Variants in PCLO observed in about 807,000 individuals in gnomAD.
The protein encoded by PCLO is protein piccolo.
Under a neutral mutation model 427.5 loss-of-function variants are expected in PCLO, and 82 were observed. The ratio of observed to expected loss-of-function variants is 0.19; its 90% CI spans 0.16 to 0.23. The LOEUF (loss-of-function observed/expected upper bound fraction) is 0.23. PCLO is among the 10% of genes least tolerant of loss of function. PCLO has a pLI of 1.00. For synonymous variants in PCLO, 2,357 were observed against 2,155.4 expected (o/e 1.09, Z -2.59); for missense variants, 6,239 against 6,115.9 (o/e 1.02, Z -0.67).
intron 3 of PCLO, among the ~76,000 whole-genome samples, chr7:83,046,314 T>C (rs1219959047): frequency 6.6e-6 from 1 of 152,098 alleles, no homozygotes. Flanking sequence ...TTTTCCTTAA[T>C]ATTTCACCAT....
chr7:83,120,050 G>A (rs944608944), intron 3 of PCLO, among the ~76,000 whole-genome samples: 28 of 151,860 alleles, frequency 1.8e-4, no homozygotes, highest in African/African-American at 6.8e-4. Flanking sequence ...AGTCTCAACA[G>A]GGAAAATCTA....
At chr7:82,989,379 A>T (rs2115829941) in intron 3 of PCLO, among the ~76,000 whole-genome samples, 1 of 152,238 alleles carries the variant, frequency 6.6e-6, no homozygotes, top group South Asian at 2.1e-4. Flanking sequence ...GCAGAAAAGA[A>T]AATGTTATAA....
rs761572001 is a variant in PCLO, at chr7:83,156,252, G to A, written c.389C>T (p.Pro130Leu). The change falls in exon 2 of 25, where the codon CCT becomes CTT. Residue 130 changes from proline to leucine, a missense_variant. Physicochemically the swap from Pro to Leu is moderately conservative, Grantham distance 98 (BLOSUM62 -3). Transcript: ENST00000333891. Reference protein sequence around the residue: ...RSEQKLPGRSPSTISLKESKS... With the variant: ...RSEQKLPGRSLSTISLKESKS... ...TGATTCTTTCAAGCTAATAGTGGAAGGACTCCTCCCAGGCAATTTCTGCTC... is the reference window on the plus strand; with the variant it reads ...TGATTCTTTCAAGCTAATAGTGGAAAGACTCCTCCCAGGCAATTTCTGCTC... The A allele has an allele frequency of 5.6e-6, 9 of 1,613,696 alleles. No homozygotes were observed. Among genetic ancestry groups the A allele is most frequent in the Non-Finnish European group, 7.6e-6 (9 of 1,179,764 alleles).
chr7:83,038,005 A>ATATATATATATATTTATATATT (rs1788843031), intron 3 of PCLO, among the ~76,000 whole-genome samples: 1 of 39,806 alleles, frequency 2.5e-5, no homozygotes, highest in Non-Finnish European at 3.9e-5. Context: ...ATATATATAT[A>ATATATATATATATTTATATATT]TATATATATA....
At chr7:83,107,791 C>T (rs1214724829) in intron 3 of PCLO, among the ~76,000 whole-genome samples, 2 of 151,058 alleles carry the variant, frequency 1.3e-5, no homozygotes, top group Admixed American at 6.6e-5. Context: ...GAGATCAAGA[C>T]CATCCTGGCC....
rs185938893 is a variant in PCLO at position 82,859,143 on chromosome 7, T to G, written c.13655-11896A>C. On this transcript the variant is annotated intron_variant, in intron 10 of 24. Transcript: ENST00000333891. ...TTGACTCTGGTTCCTGACTCCTGGA[T>G]GGCACTTCTGGACCCACCTGGGGCC... Among the ~76,000 whole-genome samples, 99 of 152,108 alleles carry G rather than the reference T, an allele frequency of 6.5e-4. 1 individual carries two copies. The East Asian group carries it at 0.018, about 27-fold the overall frequency.
chr7:82,903,633 T>G (rs556637894), intron 8 of PCLO, among the ~76,000 whole-genome samples: 1 of 152,096 alleles, frequency 6.6e-6, no homozygotes, highest in Admixed American at 6.6e-5. Flanking sequence ...ACAGAAATAG[T>G]AAGATATTTA....
At chr7:83,116,471 A>C (rs913914634) in intron 3 of PCLO, among the ~76,000 whole-genome samples, 2 of 152,162 alleles carry the variant, frequency 1.3e-5, no homozygotes, top group African/African-American at 2.4e-5. Flanking sequence ...TCAGTAAAGG[A>C]AACAACTTTT....
chr7:82,887,928 G>C (rs1336277092), intron 9 of PCLO, among the ~76,000 whole-genome samples: 1 of 152,112 alleles, frequency 6.6e-6, no homozygotes, highest in African/African-American at 2.4e-5. Context: ...AAATTAGCCA[G>C]TCGTGGTGGC....
chr7:83,058,425 A>G (rs1012424665), intron 3 of PCLO, among the ~76,000 whole-genome samples: 1 of 152,164 alleles, frequency 6.6e-6, no homozygotes, highest in Non-Finnish European at 1.5e-5. Context: ...AAAAACCATA[A>G]AAGAATCTGA....
chr7:82,868,925 A>T (rs1793162632), intron 10 of PCLO, among the ~76,000 whole-genome samples: 1 of 152,150 alleles, frequency 6.6e-6, no homozygotes, highest in Admixed American at 6.6e-5. Flanking sequence ...CAATATAAAC[A>T]ATTGTTTTAG....
chr7:83,039,972 T>C (rs1405586696), intron 3 of PCLO, among the ~76,000 whole-genome samples: 1 of 152,148 alleles, frequency 6.6e-6, no homozygotes, highest in Non-Finnish European at 1.5e-5. Flanking sequence ...GCATTGTTCA[T>C]TGCAAATACA....
chr7:83,124,664 A>G (rs530963268), intron 3 of PCLO, among the ~76,000 whole-genome samples: 1 of 152,308 alleles, frequency 6.6e-6, no homozygotes, highest in South Asian at 2.1e-4. Context: ...ACTGCTACGT[A>G]TACATCCAAA....
At chr7:82,785,137 A>C (rs1360028893) in intron 22 of PCLO, among the ~76,000 whole-genome samples, 1 of 152,156 alleles carries the variant, frequency 6.6e-6, no homozygotes, top group Non-Finnish European at 1.5e-5. Context: ...CCTTTTTGGC[A>C]GTAGAGACTG....
At chr7:82,838,784 C>T (rs1211238541) in intron 14 of PCLO, among the ~76,000 whole-genome samples, 1 of 151,828 alleles carries the variant, frequency 6.6e-6, no homozygotes, top group Admixed American at 6.6e-5. Context: ...GTGGAACTGT[C>T]ATTTAAAGAT....
intron 9 of PCLO, among the ~76,000 whole-genome samples, chr7:82,892,241 G>C (rs1793786049): frequency 1.3e-5 from 2 of 152,070 alleles, no homozygotes; most frequent in Admixed American, 1.3e-4. Context: ...ATAGATCAAT[G>C]TAACAGGACA....
chr7:82,912,216 G>T (rs1479864112), intron 7 of PCLO, among the ~76,000 whole-genome samples: 3 of 151,742 alleles, frequency 2.0e-5, no homozygotes, highest in African/African-American at 7.3e-5. Flanking sequence ...GCATATATTT[G>T]CTAAAAATCT....
chr7:83,093,340 A>G (rs1790429258), intron 3 of PCLO, among the ~76,000 whole-genome samples: 1 of 146,798 alleles, frequency 6.8e-6, no homozygotes, highest in Non-Finnish European at 1.5e-5. Context: ...AAAATTATAT[A>G]AAGTATTCTA....
At chr7:82,897,774 T>A (rs956591017) in intron 9 of PCLO, among the ~76,000 whole-genome samples, 1 of 151,322 alleles carries the variant, frequency 6.6e-6, no homozygotes, top group Non-Finnish European at 1.5e-5. Flanking sequence ...GCTGTACACA[T>A]TTTTTTAATA....
Sources: gnomAD v4.1 joint callset for allele counts (sites outside exome capture counted in the v4.1 genomes callset) on GRCh38, gnomAD v4.1.1 for gene constraint, MANE v1.5 for transcripts, NCBI Gene and HGNC (gene_info 2026-07-23, HGNC 2026-07-21) for gene names.